NFAM1: variants seen among roughly 807,000 people sequenced by gnomAD.
NFAM1 encodes the protein NFAT activating protein with ITAM motif 1, also known as NFAT activation molecule 1.
NFAM1 carries 17 observed loss-of-function variants against 29.0 expected under a neutral mutation model. The observed-to-expected ratio is 0.59, with a 90% CI of 0.40 to 0.88. NFAM1 has a LOEUF of 0.88. Ranked by LOEUF, NFAM1 falls within the 40% of genes least tolerant of loss-of-function variation. The pLI is 0.00. For missense variants in NFAM1, 324 were observed against 344.6 expected, an observed-to-expected ratio of 0.94 and a Z score of 0.47; for synonymous variants, 175 against 147.2, an observed-to-expected ratio of 1.19 and a Z score of -1.36.
At chr22:42,437,084 A>T (rs1930958058), upstream of NFAM1, 2 of 573,126 alleles carry the variant, frequency 3.5e-6, no homozygotes, top group African/African-American at 4.1e-5. Context: ...CACCAAAAGG[A>T]ATCTTCAAGA....
rs1218369176 is a variant in NFAM1, at chr22:42,388,465, T to C, written c.664-1387A>G. On this transcript the variant is annotated intron_variant, in intron 4 of 5. Transcript: ENST00000329021. The surrounding 1 kb of genome is among the most constrained non-coding windows in gnomAD (Gnocchi z 4.1). ...GACCCTCCCTCAGAACCTGTTGGACTCCGGAGCAGAGCCCACCAACAGCCT... is the reference window on the plus strand; with the variant it reads ...GACCCTCCCTCAGAACCTGTTGGACCCCGGAGCAGAGCCCACCAACAGCCT... Among the ~76,000 whole-genome samples the C allele has an allele frequency of 6.6e-6, 1 of 152,134 alleles. No homozygotes were observed. Among genetic ancestry groups the C allele is most frequent in the Non-Finnish European group, 1.5e-5 (1 of 68,022 alleles).
chr22:42,395,813 G>A (rs574594207), intron 4 of NFAM1, among the ~76,000 whole-genome samples: 275 of 148,606 alleles, frequency 1.9e-3, no homozygotes, highest in South Asian at 0.016. Flanking sequence ...AACCTGGGAG[G>A]CAGAGCTTGC....
At chr22:42,399,167 A>G (rs1189048125) in intron 3 of NFAM1, among the ~76,000 whole-genome samples, 1 of 152,104 alleles carries the variant, frequency 6.6e-6, no homozygotes, top group Non-Finnish European at 1.5e-5. Context: ...TAGGCCAGGC[A>G]CGGTGGCTCA....
chr22:42,421,457 A>AAAAAG (rs1569235204), intron 1 of NFAM1, among the ~76,000 whole-genome samples: 1 of 151,234 alleles, frequency 6.6e-6, no homozygotes, highest in Non-Finnish European at 1.5e-5. Context: ...AAAAAAAAAA[A>AAAAAG]AAAAGAAAAG....
intron 1 of NFAM1, among the ~76,000 whole-genome samples, chr22:42,417,905 C>A (rs2147113926): frequency 6.6e-6 from 1 of 152,298 alleles, no homozygotes; most frequent in African/African-American, 2.4e-5. Context: ...TGTTTTGAGT[C>A]TTCAACTCCT....
chr22:42,415,135 C>A (rs943265363), intron 1 of NFAM1, among the ~76,000 whole-genome samples: 4 of 151,996 alleles, frequency 2.6e-5, no homozygotes, highest in Admixed American at 2.6e-4. Flanking sequence ...CCGTCTCTGA[C>A]GAGCTCAGTC....
At position 42,419,601 on chromosome 22, in the gene NFAM1, C is replaced by A. The variant is rs755909486; in HGVS notation, c.122-7865G>T. On this transcript the variant is annotated intron_variant, in intron 1 of 5. Coordinates refer to ENST00000329021, the MANE Select transcript of NFAM1 (RefSeq NM_145912.8). This position sits in a 1 kb window ranked among gnomAD's most constrained non-coding sequence, Gnocchi z 4.5. ...TCTTGCCTCCCAGGACCTGCACAGC[C>A]CCGCTCAGCTGCTCTCTGGCCCTCA... 9.2e-5 allele frequency among the ~76,000 whole-genome samples: 14 copies of A among 152,152 alleles called. No homozygotes were observed. The highest frequency in any genetic ancestry group is 2.1e-4 in the Non-Finnish European group (14 of 67,988).
Position 42,393,831 on chromosome 22 carries a change from C to A in NFAM1, c.663+4027G>T, listed in dbSNP as rs543668985. ...TGGCTATGTGGTGTTTTTATTTTTA[C>A]CTAATTCCACAGTGATCAGAGAGTA... On this transcript the variant is annotated intron_variant, in intron 4 of 5. Coordinates refer to ENST00000329021, the MANE Select transcript of NFAM1 (RefSeq NM_145912.8). 2.0e-5 allele frequency among the ~76,000 whole-genome samples: 3 copies of A among 151,952 alleles called. No homozygotes were observed. In the South Asian group the frequency reaches 6.2e-4, roughly 32 times the overall value.
intron 4 of NFAM1, among the ~76,000 whole-genome samples, chr22:42,394,604 A>C (rs761678134): frequency 6.6e-6 from 1 of 152,248 alleles, no homozygotes; most frequent in Admixed American, 6.5e-5. Flanking sequence ...ATGCAGCTAA[A>C]GCCATATCAA....
At chr22:42,415,294 CTTTTTTT>C (rs398037250) in intron 1 of NFAM1, among the ~76,000 whole-genome samples, 8 of 94,830 alleles carry the variant, frequency 8.4e-5, no homozygotes, top group Non-Finnish European at 1.4e-4. Context: ...TTCTTTCTTT[CTTTTTTT>C]TTTTTTTTTT....
Position 42,385,129 on chromosome 22 carries a change from C to T in NFAM1, c.*32G>A. Reference sequence around the variant, plus strand: ...CAGGGGCTGCCCCGGTCCTCTGACCCAGGGCAAGCTCTATGAGCGGTGGAG... The same window carrying T: ...CAGGGGCTGCCCCGGTCCTCTGACCTAGGGCAAGCTCTATGAGCGGTGGAG... On this transcript the variant is annotated 3_prime_UTR_variant, in exon 6 of 6. Coordinates refer to ENST00000329021, the MANE Select transcript of NFAM1 (RefSeq NM_145912.8). The T allele has an allele frequency of 1.3e-6, 2 of 1,591,318 alleles. No homozygotes were observed. Among genetic ancestry groups the T allele is most frequent in the Non-Finnish European group, 1.7e-6 (2 of 1,159,674 alleles).
intron 4 of NFAM1, 108 bp from the exon 5 acceptor site, chr22:42,387,186 G>A: frequency 3.3e-6 from 2 of 606,102 alleles, no homozygotes; most frequent in South Asian, 4.1e-5. Context: ...GGAGCCCAGG[G>A]GAGGGTGAAG....
rs774483410 is a variant in NFAM1 at position 42,419,314 on chromosome 22, C to T, written c.122-7578G>A. On this transcript the variant is annotated intron_variant, in intron 1 of 5. Coordinates refer to ENST00000329021, the MANE Select transcript of NFAM1 (RefSeq NM_145912.8). This position sits in a 1 kb window ranked among gnomAD's most constrained non-coding sequence, Gnocchi z 4.5. Reference sequence around the variant, plus strand: ...CAGCGATCCACAAACTCATCCTGCTCCTGCCCTGCCTGAACCGGCAGGGGC... The same window carrying T: ...CAGCGATCCACAAACTCATCCTGCTTCTGCCCTGCCTGAACCGGCAGGGGC... 3.0e-4 allele frequency among the ~76,000 whole-genome samples: 46 copies of T among 152,284 alleles called. No individual in the cohort carries two copies. Among genetic ancestry groups the T allele is most frequent in the Middle Eastern group, 3.4e-3 (1 of 294 alleles).
intron 3 of NFAM1, among the ~76,000 whole-genome samples, chr22:42,398,382 TTTATTATTATTATTATTA>T (rs202112713): frequency 4.0e-5 from 5 of 125,440 alleles, no homozygotes; most frequent in African/African-American, 1.1e-4. Context: ...CTTGGTTTTA[TTTATTATTATTATTATTA>T]TTATTATTAT....
At position 42,419,738 on chromosome 22, in the gene NFAM1, C is replaced by T. The variant is rs1569234602; in HGVS notation, c.122-8002G>A. On this transcript the variant is annotated intron_variant, in intron 1 of 5. Transcript: ENST00000329021. This position sits in a 1 kb window ranked among gnomAD's most constrained non-coding sequence, Gnocchi z 4.5. ...TCCTTCCTCTCCTGGGCTTTGGGGT[C>T]CCCCTCTGTCTCCAGGACATGCTCA... 6.6e-6 allele frequency among the ~76,000 whole-genome samples: 1 copy of T among 152,172 alleles called. No homozygotes were observed. Among genetic ancestry groups the T allele is most frequent in the Non-Finnish European group, 1.5e-5 (1 of 68,040 alleles).
intron 1 of NFAM1, among the ~76,000 whole-genome samples, chr22:42,429,017 G>C (rs1328168051): frequency 6.6e-6 from 1 of 152,196 alleles, no homozygotes; most frequent in Non-Finnish European, 1.5e-5. Flanking sequence ...TTGCAGAGGG[G>C]TCAAGAAGCC....
intron 1 of NFAM1, among the ~76,000 whole-genome samples, chr22:42,428,665 C>A (rs924672265): frequency 6.6e-6 from 1 of 152,200 alleles, no homozygotes; most frequent in Non-Finnish European, 1.5e-5. Context: ...GAGAGTGGGG[C>A]CTATGGCTTG....
intron 4 of NFAM1, 103 bp downstream of exon 4, chr22:42,397,755 T>C: frequency 1.4e-6 from 1 of 721,982 alleles, no homozygotes; most frequent in Non-Finnish European, 2.5e-6. Context: ...GCTAGGAGAG[T>C]CCACACAGCT....
the NFAM1 span, chr22:42,437,891 C>T: frequency 1.3e-5 from 2 of 152,446 alleles, no homozygotes; most frequent in African/African-American, 2.4e-5. Context: ...GGCTGCAGGA[C>T]CTCAGCTTGC....
Sources: allele counts gnomAD v4.1 joint callset (sites outside exome capture counted in the v4.1 genomes callset), GRCh38; gene constraint gnomAD v4.1.1; non-coding constraint Gnocchi (gnomAD v3.1); transcripts MANE v1.5; gene names NCBI Gene and HGNC (gene_info 2026-07-23, HGNC 2026-07-21).